HDAC9: variants seen among roughly 807,000 people sequenced by gnomAD.
HDAC9 encodes histone deacetylase 9, also known as MEF-2 interacting transcription repressor (MITR) protein.
Under a neutral mutation model 139.4 loss-of-function variants are expected in HDAC9, and 41 were observed. The observed-to-expected ratio is 0.29, with a 90% confidence interval of 0.23 to 0.38. The LOEUF is 0.38. HDAC9 is among the 10% of genes least tolerant of loss of function. The pLI is 1.00. For missense variants in HDAC9, 1,147 were observed against 1,297.0 expected (o/e 0.88, Z 1.78); for synonymous variants, 517 against 476.2 (o/e 1.09, Z -1.12).
At chr7:18,459,009 C>T in intron 1 of HDAC9, 1 of 828,138 alleles carries the variant, frequency 1.2e-6, no homozygotes, top group Non-Finnish European at 1.9e-6. Flanking sequence ...TCAGCAACAA[C>T]TTGGCCAAGA....
chr7:18,388,656 T>C (rs1464735128), intron 1 of HDAC9, among the ~76,000 whole-genome samples: 1 of 152,186 alleles, frequency 6.6e-6, no homozygotes, highest in Non-Finnish European at 1.5e-5. Context: ...TTTTCTTTCT[T>C]TCCATGCCCC....
chr7:18,905,959 C>G (rs778125224), intron 22 of HDAC9, among the ~76,000 whole-genome samples: 2 of 146,936 alleles, frequency 1.4e-5, no homozygotes, highest in Non-Finnish European at 3.0e-5. Flanking sequence ...TTCCTTCATT[C>G]CTTCCTTCCT....
At chr7:18,524,935 A>G (rs1040645511) in intron 2 of HDAC9, among the ~76,000 whole-genome samples, 8 of 152,058 alleles carry the variant, frequency 5.3e-5, no homozygotes, top group African/African-American at 1.9e-4. Flanking sequence ...AAAAATATGT[A>G]TACGCAAGGA....
At chr7:18,304,218 G>A (rs1329336863) in intron 1 of HDAC9, among the ~76,000 whole-genome samples, 2 of 152,182 alleles carry the variant, frequency 1.3e-5, no homozygotes, top group African/African-American at 4.8e-5. Flanking sequence ...TCTATACACT[G>A]TCATTTAATG....
At chr7:18,755,735 C>T (rs1015347381) in intron 14 of HDAC9, among the ~76,000 whole-genome samples, 1 of 152,056 alleles carries the variant, frequency 6.6e-6, no homozygotes, top group Non-Finnish European at 1.5e-5. Context: ...ATATGCTCGT[C>T]ACCATTTCAG....
At chr7:18,654,012 G>A (rs1419921776) in intron 11 of HDAC9, among the ~76,000 whole-genome samples, 1 of 152,072 alleles carries the variant, frequency 6.6e-6, no homozygotes, top group African/African-American at 2.4e-5. Flanking sequence ...GTGTTGCCTT[G>A]TGAAGTGTCC....
At chr7:18,807,789 C>G (rs376831614) in intron 17 of HDAC9, among the ~76,000 whole-genome samples, 1 of 152,058 alleles carries the variant, frequency 6.6e-6, no homozygotes, top group Non-Finnish European at 1.5e-5. Context: ...AGAAAAGATA[C>G]TTGGTGTGAT....
In HDAC9 at chr7:18,996,405, G is replaced by T. The variant is rs536812547; in HGVS notation, c.*343G>T. 5 of 178,354 alleles carry T rather than the reference G, an allele frequency of 2.8e-5. No homozygotes were observed. Among genetic ancestry groups the T allele is most frequent in the Non-Finnish European group, 3.6e-5 (3 of 84,490 alleles). The allele number at this position is 178,354 out of a possible 1,614,324, so 11.0% of individuals were successfully genotyped here. On this transcript the variant is annotated 3_prime_UTR_variant, in exon 26 of 26. Transcript: ENST00000686413. ...ACAGCACTAGATATTGTTAATTTCA[G>T]AAGCTATGACAGCCAGTGAAATTTT...
upstream of HDAC9, among the ~76,000 whole-genome samples, chr7:18,286,274 T>A (rs1410898598): frequency 6.6e-6 from 1 of 151,804 alleles, no homozygotes; most frequent in African/African-American, 2.4e-5. Context: ...CTCTAAAAAT[T>A]GTATCATCAT....
intron 1 of HDAC9, among the ~76,000 whole-genome samples, chr7:18,156,617 G>C (rs1787225597): frequency 6.6e-6 from 1 of 152,162 alleles, no homozygotes; most frequent in African/African-American, 2.4e-5. Flanking sequence ...AGGTGTGGGG[G>C]TTACAAAGAT....
intron 22 of HDAC9, among the ~76,000 whole-genome samples, chr7:18,922,199 G>C (rs550382307): frequency 6.6e-6 from 1 of 151,856 alleles, no homozygotes; most frequent in Non-Finnish European, 1.5e-5. Context: ...TGCACGTTGT[G>C]CACATGTACC....
intron 1 of HDAC9, among the ~76,000 whole-genome samples, chr7:18,094,591 C>G (rs564324963): frequency 7.0e-4 from 106 of 152,052 alleles, no homozygotes; most frequent in African/African-American, 2.3e-3. Context: ...GCCAGCGTAC[C>G]TGGCTAATTA....
intron 7 of HDAC9, among the ~76,000 whole-genome samples, chr7:18,631,193 G>A (rs555567792): frequency 6.6e-6 from 1 of 152,100 alleles, no homozygotes; most frequent in African/African-American, 2.4e-5. Context: ...AGTTTTACTC[G>A]AATTTCCTTA....
chr7:18,596,811 T>C (rs1307898134), intron 6 of HDAC9, among the ~76,000 whole-genome samples: 1 of 152,186 alleles, frequency 6.6e-6, no homozygotes, highest in Non-Finnish European at 1.5e-5. Flanking sequence ...TCGTTTGATC[T>C]ATGTATGATA....
intron 25 of HDAC9, among the ~76,000 whole-genome samples, chr7:18,987,916 C>G (rs1022894634): frequency 3.9e-5 from 6 of 151,928 alleles, no homozygotes; most frequent in Non-Finnish European, 5.9e-5. Context: ...TGGTGATATC[C>G]TCTTTATCAT....
At chr7:18,729,750 GAAC>G (rs1231639531) in intron 13 of HDAC9, among the ~76,000 whole-genome samples, 1 of 152,082 alleles carries the variant, frequency 6.6e-6, no homozygotes, top group East Asian at 1.9e-4. Context: ...ATAGGAAAGT[GAAC>G]TTAAGATTCT....
chr7:18,648,722 G>A, intron 11 of HDAC9, 39 bp downstream of exon 11: 1 of 1,556,066 alleles, frequency 6.4e-7, no homozygotes, highest in Non-Finnish European at 8.8e-7. Context: ...CTAACCGCCA[G>A]TTTGGAAATT....
At chr7:18,802,150 C>T (rs1313163376) in intron 17 of HDAC9, among the ~76,000 whole-genome samples, 1 of 151,604 alleles carries the variant, frequency 6.6e-6, no homozygotes, top group East Asian at 1.9e-4. Flanking sequence ...GTCTTTTCTA[C>T]TTATTAGAGC....
At chr7:18,592,030 T>C (rs1442644780) in intron 5 of HDAC9, among the ~76,000 whole-genome samples, 2 of 152,182 alleles carry the variant, frequency 1.3e-5, no homozygotes, top group Non-Finnish European at 2.9e-5. Flanking sequence ...GGTATCTATA[T>C]AGTAATTTCA....
Sources: gnomAD v4.1 joint callset for allele counts (sites outside exome capture counted in the v4.1 genomes callset) on GRCh38, gnomAD v4.1.1 for gene constraint, MANE v1.5 for transcripts, NCBI Gene and HGNC (gene_info 2026-07-23, HGNC 2026-07-21) for gene names.